Variants in RFX7 observed in about 807,000 individuals in gnomAD.
RFX7 encodes the protein DNA-binding protein RFX7.
A neutral mutation model predicts 111.8 loss-of-function variants in RFX7; 26 were observed. That is an observed-to-expected ratio of 0.23 (90% CI 0.17 to 0.32). RFX7 has a LOEUF of 0.32. Among genes scored for constraint, RFX7 ranks in the 10% least tolerant of loss-of-function variants. RFX7 has a pLI of 1.00. For synonymous variants in RFX7, 624 were observed against 624.4 expected (o/e 1.00, Z 0.01); for missense variants, 1,573 against 1,772.9 (o/e 0.89, Z 2.02).
chr15:56,233,448 A>G (rs1419950559), intron 2 of RFX7, among the ~76,000 whole-genome samples: 1 of 151,838 alleles, frequency 6.6e-6, no homozygotes, highest in African/African-American at 2.4e-5. Context: ...TCAAGATGAG[A>G]TCTGGGTGGG....
In RFX7 at chr15:56,152,756, A is replaced by C. The variant is rs546270876; in HGVS notation, c.196-8273T>G. 4.6e-5 allele frequency among the ~76,000 whole-genome samples: 7 copies of C among 151,402 alleles called. No homozygotes were observed. The South Asian group carries it at 8.5e-4, about 18-fold the overall frequency. ...AAAAAACCCTTCAAAAAAAAAAATC[A>C]ATGAATCCAGGAGCTGGTTTTTTGA... On this transcript the variant is annotated intron_variant, in intron 3 of 9. Transcript: ENST00000559447.
chr15:56,166,574 T>C (rs1445064870), intron 3 of RFX7, among the ~76,000 whole-genome samples: 1 of 152,182 alleles, frequency 6.6e-6, no homozygotes, highest in African/African-American at 2.4e-5. Flanking sequence ...TACTATTTCA[T>C]AAATATTGTG....
At chr15:56,153,854 CT>C (rs1567029916) in intron 3 of RFX7, among the ~76,000 whole-genome samples, 1 of 152,178 alleles carries the variant, frequency 6.6e-6, no homozygotes, top group Admixed American at 6.5e-5. Flanking sequence ...GTCAAATTGT[CT>C]CTGTTTGCAG....
At chr15:56,193,352 C>T (rs2043118050) in intron 2 of RFX7, 1 of 152,040 alleles carries the variant, frequency 6.6e-6, no homozygotes, top group African/African-American at 2.4e-5. Flanking sequence ...CCTCTGAGGC[C>T]ATTTTCTATT....
rs745776863 is a variant in RFX7, at chr15:56,093,101, G to C, written c.*244C>G. 2.3e-6 allele frequency: 1 copy of C among 426,910 alleles called. No individual in the cohort carries two copies. The highest frequency in any genetic ancestry group is 4.2e-6 in the Non-Finnish European group (1 of 240,286). 26.4% of individuals were successfully genotyped at this position (426,910 alleles called of 1,614,324 possible). On this transcript the variant is annotated 3_prime_UTR_variant, in exon 10 of 10. Transcript: ENST00000559447. ...TAACAGCTGGATAGTCAATCAATGT[G>C]AATAAATGGGGCACATTATAAAATT...
intron 5 of RFX7, among the ~76,000 whole-genome samples, chr15:56,118,503 G>C (rs1172142239): frequency 3.9e-5 from 6 of 152,172 alleles, no homozygotes; most frequent in Non-Finnish European, 1.5e-5. Context: ...TTCCATCCAT[G>C]TGATTGCAAA....
At chr15:56,240,639 A>G (rs796087509) in intron 2 of RFX7, among the ~76,000 whole-genome samples, 24 of 152,182 alleles carry the variant, frequency 1.6e-4, no homozygotes, top group African/African-American at 5.1e-4. Flanking sequence ...AGAAACTATG[A>G]TAAACCAAAT....
intron 3 of RFX7, among the ~76,000 whole-genome samples, chr15:56,170,795 CACAGAAAGTTCCATGGAT>C (rs1567035686): frequency 1.3e-5 from 2 of 152,114 alleles, no homozygotes; most frequent in African/African-American, 2.4e-5. Context: ...TTTCTACCAC[CACAGAAAGTTCCATGGAT>C]AATGCTCTTA....
At chr15:56,154,007 C>A (rs2042614926) in intron 3 of RFX7, among the ~76,000 whole-genome samples, 4 of 151,994 alleles carry the variant, frequency 2.6e-5, no homozygotes, top group Admixed American at 2.6e-4. Context: ...AATAGAGACC[C>A]AAATCATGAG....
chr15:56,163,619 A>G (rs1249899713), intron 3 of RFX7, among the ~76,000 whole-genome samples: 12 of 152,210 alleles, frequency 7.9e-5, no homozygotes, highest in Admixed American at 5.9e-4. Flanking sequence ...TTGGGAGGGT[A>G]TGTTAAACCA....
chr15:56,169,803 G>A (rs1386920073), intron 3 of RFX7, among the ~76,000 whole-genome samples: 1 of 147,398 alleles, frequency 6.8e-6, no homozygotes, highest in African/African-American at 2.5e-5. Context: ...TTCCCCACGA[G>A]CACTCTGGGG....
intron 2 of RFX7, among the ~76,000 whole-genome samples, chr15:56,197,634 C>T (rs950681538): frequency 1.3e-5 from 2 of 151,564 alleles, no homozygotes; most frequent in African/African-American, 2.4e-5. Context: ...ACACGTTAGG[C>T]AATTATAAAC....
At chr15:56,113,670 T>A (rs200241452) in intron 5 of RFX7, among the ~76,000 whole-genome samples, 7 of 146,630 alleles carry the variant, frequency 4.8e-5, no homozygotes, top group African/African-American at 7.5e-5. Context: ...AAAATAAAAT[T>A]AAAAAAAAAA....
In RFX7 at chr15:56,095,469, AGAT is replaced by A; in HGVS notation, c.2256_2258del (p.Ser753del). 1.2e-6 allele frequency: 2 copies of A among 1,612,416 alleles called. No individual in the cohort carries two copies. The highest frequency in any genetic ancestry group is 1.7e-6 in the Non-Finnish European group (2 of 1,179,870). ...CTTCAAGTTTTACTTTTATATCTGG[AGAT>A]GATGATGGGGTTGTTTGCTGTTCCA... On this transcript the variant is annotated inframe_deletion, in exon 10 of 10. Coordinates refer to ENST00000559447, the MANE Select transcript of RFX7 (RefSeq NM_022841.7).
intron 2 of RFX7, among the ~76,000 whole-genome samples, chr15:56,215,623 T>C (rs2043356165): frequency 6.6e-6 from 1 of 152,248 alleles, no homozygotes; most frequent in African/African-American, 2.4e-5. Context: ...TCTGTTCCTA[T>C]GTTTATGAGT....
intron 2 of RFX7, among the ~76,000 whole-genome samples, chr15:56,222,363 T>G (rs1408355674): frequency 6.6e-6 from 1 of 152,214 alleles, no homozygotes; most frequent in Non-Finnish European, 1.5e-5. Context: ...TTGTGATTAC[T>G]GGGATTGGTG....
chr15:56,091,234 T>C lies in RFX7; in HGVS notation c.*2111A>G, dbSNP rs1380774810. 2.6e-5 allele frequency: 4 copies of C among 152,596 alleles called. No individual in the cohort carries two copies. The highest frequency in any genetic ancestry group is 9.6e-5 in the African/African-American group (4 of 41,464). The allele number at this position is 152,596 out of a possible 1,614,324, so 9.5% of individuals were successfully genotyped here. ...TGCACATTGCTACATAAGACAATTT[T>C]ATCTGTCACTTTGATGACATTTTGT... On this transcript the variant is annotated 3_prime_UTR_variant, in exon 10 of 10. Coordinates refer to ENST00000559447, the MANE Select transcript of RFX7 (RefSeq NM_022841.7).
intron 2 of RFX7, among the ~76,000 whole-genome samples, chr15:56,184,590 C>G (rs1331849388): frequency 6.6e-6 from 1 of 152,118 alleles, no homozygotes; most frequent in Non-Finnish European, 1.5e-5. Context: ...TAAATGTTCT[C>G]TATCAATTTA....
intron 6 of RFX7, among the ~76,000 whole-genome samples, chr15:56,103,184 A>G (rs2041782484): frequency 7.0e-6 from 1 of 143,564 alleles, no homozygotes. Context: ...TTCTAAATTA[A>G]AGGAAGAAAC....
Sources: allele counts gnomAD v4.1 joint callset (sites outside exome capture counted in the v4.1 genomes callset), GRCh38; gene constraint gnomAD v4.1.1; transcripts MANE v1.5; gene names NCBI Gene and HGNC (gene_info 2026-07-23, HGNC 2026-07-21).